Variants in PTPRD observed in about 807,000 individuals in gnomAD.
PTPRD encodes the protein protein tyrosine phosphatase receptor type D.
PTPRD carries 34 observed loss-of-function variants against 214.5 expected under a neutral mutation model. The ratio of observed to expected loss-of-function variants is 0.16; its 90% CI spans 0.12 to 0.21. PTPRD has a LOEUF of 0.21. Ranked by LOEUF, PTPRD falls within the 10% of genes least tolerant of loss-of-function variation. PTPRD has a pLI of 1.00. For missense variants in PTPRD, 2,545 were observed against 2,398.7 expected, an observed-to-expected ratio of 1.06 and a Z score of -1.27; for synonymous variants, 1,128 against 845.7, an observed-to-expected ratio of 1.33 and a Z score of -5.79.
Position 8,752,063 on chromosome 9 carries a change from G to A in PTPRD, c.-103-18117C>T, listed in dbSNP as rs116225541. Among the ~76,000 whole-genome samples the A allele has an allele frequency of 6.0e-3, 912 of 152,244 alleles. 6 individuals are homozygous for A. The highest frequency in any genetic ancestry group is 0.021 in the African/African-American group (871 of 41,540). ...GGTCCCTTCCACTTGCTGACCTGGG[G>A]TCCCCTGCCACCGCTGTCAGAGATG... On this transcript the variant is annotated intron_variant, in intron 11 of 45. Coordinates refer to ENST00000381196, the MANE Select transcript of PTPRD (RefSeq NM_002839.4).
chr9:9,239,998 C>G (rs1194495808), intron 9 of PTPRD, among the ~76,000 whole-genome samples: 1 of 152,128 alleles, frequency 6.6e-6, no homozygotes, highest in Non-Finnish European at 1.5e-5. Flanking sequence ...GGCTAGCTAA[C>G]ACAGATTTGG....
intron 4 of PTPRD, among the ~76,000 whole-genome samples, chr9:9,997,645 G>T (rs1301876886): frequency 6.6e-6 from 1 of 152,124 alleles, no homozygotes; most frequent in Non-Finnish European, 1.5e-5. Context: ...GATAGAGAGA[G>T]TAAAAAGAGT....
At chr9:9,337,428 T>C (rs1447161743) in intron 9 of PTPRD, among the ~76,000 whole-genome samples, 3 of 152,152 alleles carry the variant, frequency 2.0e-5, no homozygotes, top group Non-Finnish European at 1.5e-5. Context: ...CTAACTCTTC[T>C]TGTTCTGATT....
intron 42 of PTPRD, 82 bp downstream of exon 42, chr9:8,340,261 C>T (rs760670200): frequency 1.5e-4 from 219 of 1,445,664 alleles, no homozygotes; most frequent in Non-Finnish European, 1.9e-4. Flanking sequence ...AATGATCTAG[C>T]ACAAGAGTTA....
At chr9:9,639,034 C>T (rs1328111246) in intron 7 of PTPRD, among the ~76,000 whole-genome samples, 1 of 152,202 alleles carries the variant, frequency 6.6e-6, no homozygotes, top group East Asian at 1.9e-4. Context: ...AATACTGTTG[C>T]ATTCGGAATT....
intron 10 of PTPRD, among the ~76,000 whole-genome samples, chr9:9,065,976 T>C (rs911684714): frequency 6.6e-6 from 1 of 152,200 alleles, no homozygotes; most frequent in Non-Finnish European, 1.5e-5. Flanking sequence ...ACCATTGTTA[T>C]ATAATATAAA....
chr9:9,734,811 A>AT (rs535685533), intron 6 of PTPRD, among the ~76,000 whole-genome samples: 2 of 152,018 alleles, frequency 1.3e-5, no homozygotes, highest in South Asian at 2.1e-4. Flanking sequence ...TCTAGAAAAT[A>AT]TTTTTTCCAA....
intron 14 of PTPRD, among the ~76,000 whole-genome samples, chr9:8,567,611 T>C (rs993718674): frequency 6.6e-6 from 1 of 152,200 alleles, no homozygotes; most frequent in Non-Finnish European, 1.5e-5. Flanking sequence ...TATGAATAAA[T>C]GAATTCAGTT....
intron 37 of PTPRD, among the ~76,000 whole-genome samples, chr9:8,378,349 T>A (rs1159398964): frequency 1.3e-5 from 2 of 151,930 alleles, no homozygotes; most frequent in Admixed American, 6.6e-5. Context: ...AAAACCCAGG[T>A]CACAGATGAC....
At chr9:9,894,304 T>A (rs115233906) in intron 5 of PTPRD, among the ~76,000 whole-genome samples, 1 of 152,030 alleles carries the variant, frequency 6.6e-6, no homozygotes, top group African/African-American at 2.4e-5. Context: ...TATCTCCTCA[T>A]ACTTAAAACC....
At chr9:9,636,317 G>C (rs1235677620) in intron 7 of PTPRD, among the ~76,000 whole-genome samples, 1 of 151,860 alleles carries the variant, frequency 6.6e-6, no homozygotes, top group Non-Finnish European at 1.5e-5. Context: ...TTTTACATTT[G>C]TTTCTTTGAT....
intron 3 of PTPRD, among the ~76,000 whole-genome samples, chr9:10,089,556 A>C (rs984203931): frequency 1.3e-5 from 2 of 151,666 alleles, no homozygotes; most frequent in African/African-American, 4.8e-5. Context: ...AACTGAGTTA[A>C]AAAGATTTGC....
At chr9:8,405,791 A>T (rs142728282) in intron 35 of PTPRD, among the ~76,000 whole-genome samples, 2 of 152,146 alleles carry the variant, frequency 1.3e-5, no homozygotes, top group Non-Finnish European at 2.9e-5. Context: ...TTTAGCAGTT[A>T]TTTTTGATGC....
chr9:9,899,848 G>A (rs866181821), intron 5 of PTPRD, among the ~76,000 whole-genome samples: 25 of 151,962 alleles, frequency 1.6e-4, no homozygotes, highest in Admixed American at 1.0e-3. Context: ...ACATGCAGAT[G>A]GAACACTAGT....
At chr9:9,941,735 G>C (rs995327596) in intron 4 of PTPRD, among the ~76,000 whole-genome samples, 1 of 152,182 alleles carries the variant, frequency 6.6e-6, no homozygotes, top group South Asian at 2.1e-4. Flanking sequence ...ATGGTGGAGA[G>C]TAGAACAACT....
At chr9:8,557,604 A>C (rs917479908) in intron 14 of PTPRD, among the ~76,000 whole-genome samples, 2 of 149,952 alleles carry the variant, frequency 1.3e-5, no homozygotes, top group Non-Finnish European at 3.0e-5. Context: ...TTAGCCAGGC[A>C]TGGTGGTGGG....
At chr9:8,704,809 G>A (rs1366125838) in intron 12 of PTPRD, among the ~76,000 whole-genome samples, 1 of 151,674 alleles carries the variant, frequency 6.6e-6, no homozygotes, top group Admixed American at 6.6e-5. Flanking sequence ...TGTAATCCCA[G>A]CTACTTGGGA....
chr9:9,111,582 A>G (rs1400352917), intron 10 of PTPRD, among the ~76,000 whole-genome samples: 2 of 152,170 alleles, frequency 1.3e-5, no homozygotes, highest in Non-Finnish European at 2.9e-5. Context: ...AGTAACTATC[A>G]GATTGCATTT....
At chr9:9,752,969 T>C (rs1246106968) in intron 6 of PTPRD, among the ~76,000 whole-genome samples, 1 of 152,062 alleles carries the variant, frequency 6.6e-6, no homozygotes, top group Admixed American at 6.6e-5. Flanking sequence ...ATACAGAGTG[T>C]ACTTGTTCTC....
Sources: allele counts gnomAD v4.1 joint callset (sites outside exome capture counted in the v4.1 genomes callset), GRCh38; gene constraint gnomAD v4.1.1; transcripts MANE v1.5; gene names NCBI Gene and HGNC (gene_info 2026-07-23, HGNC 2026-07-21).